The following TET1 variants were observed in gnomAD, a reference collection of about 807,000 sequenced individuals.
TET1 encodes methylcytosine dioxygenase TET1.
A neutral mutation model predicts 148.7 loss-of-function variants in TET1; 13 were observed. The ratio of observed to expected loss-of-function variants is 0.09; its 90% CI spans 0.06 to 0.14. The LOEUF (loss-of-function observed/expected upper bound fraction) is 0.14, where lower values mean the gene tolerates loss of function less well. TET1 is among the 10% of genes least tolerant of loss of function. TET1 has a pLI of 1.00. For synonymous variants in TET1, 907 were observed against 937.2 expected, an observed-to-expected ratio of 0.97 and a Z score of 0.59; for missense variants, 2,182 against 2,553.8, an observed-to-expected ratio of 0.85 and a Z score of 3.14.
At position 68,573,513 on chromosome 10, in the gene TET1, C is replaced by T. The variant is rs534301234; in HGVS notation, c.1175C>T (p.Thr392Ile). 2.5e-6 allele frequency: 4 copies of T among 1,613,998 alleles called. No individual in the cohort carries two copies. The Admixed American group carries it at 5.0e-5, about 20-fold the overall frequency. ...DPVHGEALGE[T>I]PDLPEIPGAI... ...GTTCATGGTGAGGCCCTGGGTGAGA[C>T]CCCAGATCTACCAGAGATTCCTGGT... Residue 392 changes from threonine to isoleucine, a missense_variant, in exon 2 of 12, where the codon ACC (threonine) becomes ATC (isoleucine). By Grantham distance (89) the Thr-to-Ile change is moderately conservative. This residue lies in a region of TET1 where 665 missense variants were observed against 672.4 expected (regional missense o/e 0.99). Transcript: ENST00000373644.
At chr10:68,577,611 C>T (rs2053747604) in intron 2 of TET1, among the ~76,000 whole-genome samples, 1 of 152,008 alleles carries the variant, frequency 6.6e-6, no homozygotes, top group Admixed American at 6.5e-5. Flanking sequence ...AGTTTGAGAC[C>T]AGCCTGGCCA....
At chr10:68,580,390 G>A (rs1248968966) in intron 2 of TET1, among the ~76,000 whole-genome samples, 3 of 127,084 alleles carry the variant, frequency 2.4e-5, no homozygotes, top group African/African-American at 8.8e-5. Flanking sequence ...GCATGGTCAT[G>A]GCTCACTGCA....
intron 2 of TET1, among the ~76,000 whole-genome samples, chr10:68,587,334 T>G (rs1345144421): frequency 2.0e-5 from 3 of 152,122 alleles, no homozygotes; most frequent in Non-Finnish European, 4.4e-5. Context: ...AGCCATGGAA[T>G]TTTGGATGGA....
In TET1 at chr10:68,624,354, A is replaced by G. The variant is rs150806346; in HGVS notation, c.1969-20344A>G. 6.0e-3 allele frequency among the ~76,000 whole-genome samples: 909 copies of G among 152,006 alleles called. 14 individuals carry two copies. Among genetic ancestry groups the G allele is most frequent in the African/African-American group, 0.021 (862 of 41,452 alleles). On this transcript the variant is annotated intron_variant, in intron 3 of 11. Transcript: ENST00000373644. ...GCCCAGGCTGGAGTGCAATGGCGCTATCTTGGCTCACCGCAACCTCCGCCT... is the reference window on the plus strand; with the variant it reads ...GCCCAGGCTGGAGTGCAATGGCGCTGTCTTGGCTCACCGCAACCTCCGCCT...
chr10:68,631,264 A>G (rs1322080518), intron 3 of TET1, among the ~76,000 whole-genome samples: 3 of 152,226 alleles, frequency 2.0e-5, no homozygotes, highest in Non-Finnish European at 4.4e-5. Flanking sequence ...TACGTTGGTG[A>G]ATAGTTTCAA....
In TET1 at chr10:68,627,469, G is replaced by A. The variant is rs527690225; in HGVS notation, c.1969-17229G>A. ...AAATTAGGCGGATATGGTGCTGGAC[G>A]CCTGTAATCCCAGCTACTCGGGAGG... On this transcript the variant is annotated intron_variant, in intron 3 of 11. Transcript: ENST00000373644. Among the ~76,000 whole-genome samples the A allele has an allele frequency of 1.6e-4, 24 of 152,020 alleles. 1 individual carries two copies. The highest frequency in any genetic ancestry group is 1.3e-3 in the Admixed American group (20 of 15,246).
At chr10:68,620,365 C>T (rs2054353038) in intron 3 of TET1, among the ~76,000 whole-genome samples, 1 of 152,170 alleles carries the variant, frequency 6.6e-6, no homozygotes, top group African/African-American at 2.4e-5. Flanking sequence ...TAGTGTACTT[C>T]CTGTCTCTGG....
Position 68,676,260 on chromosome 10 carries a change from ATATATATATTTTTTTTT to A in TET1, c.4824+3217_4824+3233del, listed in dbSNP as rs1325842359. ...TGTATATATATATATATATATATAT[ATATATATATTTTTTTTT>A]TTTTTTTTTTTTTTTTTTTCTTCTG... is the stretch of plus-strand genomic sequence containing the variant. On this transcript the variant is annotated intron_variant, in intron 8 of 11. Transcript: ENST00000373644. Among the ~76,000 whole-genome samples the A allele has an allele frequency of 7.2e-4, 11 of 15,358 alleles. No homozygotes were observed. In the Admixed American group the frequency reaches 7.4e-3, roughly 10 times the overall value. 10.1% of individuals were successfully genotyped at this position (15,358 alleles called of 152,430 possible).
In TET1 at chr10:68,645,714, A is replaced by T. The variant is rs141982595; in HGVS notation, c.2985A>T (p.Glu995Asp). 1.4e-4 allele frequency: 224 copies of T among 1,614,242 alleles called. No homozygotes were observed. In the African/African-American group the frequency reaches 2.4e-3, roughly 17 times the overall value. Reference protein sequence around the residue: ...ATNQASTKSHEYSKVTNSLSL... With the variant: ...ATNQASTKSHDYSKVTNSLSL... ...ACCAAGCATCCACAAAGTCACATGA[A>T]TATTCAAAAGTCACAAATTCATTAT... Residue 995 changes from glutamate to aspartate, a missense_variant, in exon 4 of 12, where the codon GAA (glutamate) becomes GAT (aspartate). Around this residue, in one of 11 missense-constraint regions of TET1, gnomAD observed 582 missense variants for 599.5 expected, o/e 0.97. Transcript: ENST00000373644.
At chr10:68,647,065 G>A (rs1205254324) in intron 4 of TET1, 60 bp downstream of exon 4, 2 of 1,497,414 alleles carry the variant, frequency 1.3e-6, no homozygotes, top group Non-Finnish European at 1.8e-6. Context: ...AATCATGACT[G>A]AAGCAAATTC....
In TET1 at chr10:68,691,127, T is replaced by C. The variant is rs1333591319; in HGVS notation, c.5724T>C (p.Ala1908=). 6 of 1,614,022 alleles carry C rather than the reference T, an allele frequency of 3.7e-6. No homozygotes were observed. In the African/African-American group the frequency reaches 8.0e-5, roughly 22 times the overall value. The stretch of plus-strand genomic sequence containing the variant: ...GCATTTCACAGCTTGGCGAAGTGGC[T>C]CCTCTCCCCACCCTGTCTGCTCCTG... ...GPGISQLGEV[A]PLPTLSAPVM... is the part of the protein sequence containing the mutation. The change falls in exon 12 of 12, where the codon GCT becomes GCC. Residue 1908 remains alanine (A), a synonymous_variant. Transcript: ENST00000373644. This position sits in a 1 kb window ranked among gnomAD's most constrained non-coding sequence, Gnocchi z 4.4.
intron 8 of TET1, among the ~76,000 whole-genome samples, chr10:68,680,795 C>T (rs1401116966): frequency 6.6e-6 from 1 of 152,220 alleles, no homozygotes; most frequent in Non-Finnish European, 1.5e-5. Context: ...CTATAGACAA[C>T]CACTTGCCCA....
intron 7 of TET1, among the ~76,000 whole-genome samples, chr10:68,671,894 C>T (rs2055277100): frequency 6.6e-6 from 1 of 152,058 alleles, no homozygotes; most frequent in South Asian, 2.1e-4. Flanking sequence ...AATTCTCCTG[C>T]CACTGTGCCA....
At chr10:68,601,631 C>T (rs1249667747) in intron 3 of TET1, among the ~76,000 whole-genome samples, 4 of 151,988 alleles carry the variant, frequency 2.6e-5, no homozygotes, top group African/African-American at 4.8e-5. Context: ...TTAATAGTAA[C>T]CTAATTCAGT....
rs973323619 is a variant in TET1 at position 68,692,723 on chromosome 10, A to C, written c.*909A>C. On this transcript the variant is annotated 3_prime_UTR_variant, in exon 12 of 12. Coordinates refer to ENST00000373644, the MANE Select transcript of TET1 (RefSeq NM_030625.3). ...AAGCATATCACCAATACTGATTAACATTCTCTTTGGAACTAGGTAAGAGTG... is the reference window on the plus strand; with the variant it reads ...AAGCATATCACCAATACTGATTAACCTTCTCTTTGGAACTAGGTAAGAGTG... 4.3e-6 allele frequency: 1 copy of C among 230,664 alleles called. No individual in the cohort carries two copies. Among genetic ancestry groups the C allele is most frequent in the Non-Finnish European group, 8.6e-6 (1 of 116,628 alleles). 14.3% of individuals were successfully genotyped at this position (230,664 alleles called of 1,614,324 possible). A position where few individuals can be genotyped will look rare whatever the true frequency, so the allele number is the denominator to read the frequency against.
chr10:68,655,789 G>T (rs1221610404), intron 6 of TET1, among the ~76,000 whole-genome samples: 1 of 152,062 alleles, frequency 6.6e-6, no homozygotes, highest in African/African-American at 2.4e-5. Context: ...GTGTTGCCTG[G>T]GCTAGAGTGC....
chr10:68,561,771 C>A (rs2053557584), intron 1 of TET1, among the ~76,000 whole-genome samples: 1 of 144,388 alleles, frequency 6.9e-6, no homozygotes, highest in Non-Finnish European at 1.5e-5. Flanking sequence ...ATATATTCTA[C>A]AAGAAGTGGT....
intron 11 of TET1, among the ~76,000 whole-genome samples, chr10:68,686,989 G>A (rs1027196274): frequency 2.0e-5 from 3 of 151,286 alleles, no homozygotes; most frequent in Non-Finnish European, 4.4e-5. Context: ...CTGGGTTCAC[G>A]CCATTCTCCT....
At chr10:68,652,845 A>AT (rs71019047) in intron 6 of TET1, among the ~76,000 whole-genome samples, 66,095 of 101,060 alleles carry the variant, frequency 0.65, 22,771 homozygotes, top group East Asian at 0.78. Flanking sequence ...AACCCGGCTA[A>AT]TTTTTTTTTT....
Sources: allele counts gnomAD v4.1 joint callset (sites outside exome capture counted in the v4.1 genomes callset), GRCh38; gene constraint gnomAD v4.1.1; regional missense constraint gnomAD v4.1.1; non-coding constraint Gnocchi (gnomAD v3.1); transcripts MANE v1.5; gene names NCBI Gene and HGNC (gene_info 2026-07-23, HGNC 2026-07-21).